ADAMTS3: variants seen among roughly 807,000 people sequenced by gnomAD.
The protein encoded by ADAMTS3 is A disintegrin and metalloproteinase with thrombospondin motifs 3.
A neutral mutation model predicts 129.0 loss-of-function variants in ADAMTS3; 73 were observed. That is an observed-to-expected ratio of 0.57 (90% CI 0.47 to 0.69). ADAMTS3 has a LOEUF of 0.69. ADAMTS3 is among the 30% of genes least tolerant of loss of function. ADAMTS3 has a pLI of 0.00. For synonymous variants in ADAMTS3, 477 were observed against 510.8 expected (o/e 0.93, Z 0.89); for missense variants, 1,457 against 1,514.5 (o/e 0.96, Z 0.63).
Position 72,308,416 on chromosome 4 carries a change from T to C in ADAMTS3, c.2179+981A>G, listed in dbSNP as rs1251767503. On this transcript the variant is annotated intron_variant, in intron 15 of 21. Transcript: ENST00000286657. ...TTATTTCATTTGGATGAAGACTAACTTTTTTATAAAAGGAAAAGTTACCCC... is the reference window on the plus strand; with the variant it reads ...TTATTTCATTTGGATGAAGACTAACCTTTTTATAAAAGGAAAAGTTACCCC... Among the ~76,000 whole-genome samples the C allele has an allele frequency of 3.9e-5, 6 of 151,946 alleles. No homozygotes were observed. The East Asian group carries it at 1.2e-3, about 29-fold the overall frequency.
intron 3 of ADAMTS3, among the ~76,000 whole-genome samples, chr4:72,426,574 AAAC>A (rs1399159750): frequency 6.6e-6 from 1 of 152,180 alleles, no homozygotes; most frequent in East Asian, 1.9e-4. Context: ...AAAGCAAATC[AAAC>A]AACAATATAA....
chr4:72,529,100 A>G (rs1296156434), intron 3 of ADAMTS3, among the ~76,000 whole-genome samples: 1 of 152,142 alleles, frequency 6.6e-6, no homozygotes, highest in East Asian at 1.9e-4. Context: ...ATGAACCCCT[A>G]TTTATTATAA....
chr4:72,526,371 G>A (rs1274174208), intron 3 of ADAMTS3, among the ~76,000 whole-genome samples: 2 of 152,042 alleles, frequency 1.3e-5, no homozygotes, highest in Non-Finnish European at 2.9e-5. Context: ...ACCCAAATTT[G>A]ATAGAAAACA....
chr4:72,401,321 CT>C (rs1018106227), intron 4 of ADAMTS3, among the ~76,000 whole-genome samples: 18 of 151,732 alleles, frequency 1.2e-4, no homozygotes, highest in African/African-American at 4.1e-4. Context: ...AATCCCAGCA[CT>C]TTGGGAGGCT....
chr4:72,323,145 T>C, intron 5 of ADAMTS3, 48 bp from the exon 6 acceptor site: 2 of 1,424,018 alleles, frequency 1.4e-6, no homozygotes, highest in Non-Finnish European at 2.0e-6. Flanking sequence ...ACACCGAGGA[T>C]TTCATGAGAT....
intron 4 of ADAMTS3, among the ~76,000 whole-genome samples, chr4:72,400,867 T>C (rs894706930): frequency 5.3e-5 from 8 of 151,004 alleles, no homozygotes; most frequent in Admixed American, 5.3e-4. Flanking sequence ...GTATTGGACA[T>C]ATGTATGTAT....
At chr4:72,288,928 A>ACG in intron 20 of ADAMTS3, 60 bp from the exon 21 acceptor site, 1 of 400,872 alleles carries the variant, frequency 2.5e-6, no homozygotes, top group Non-Finnish European at 4.4e-6. Context: ...GCACATACAC[A>ACG]CACACACACA....
intron 18 of ADAMTS3, among the ~76,000 whole-genome samples, chr4:72,297,914 T>C (rs1461663180): frequency 1.3e-5 from 2 of 152,070 alleles, no homozygotes; most frequent in African/African-American, 2.4e-5. Context: ...CTGGTAGAAA[T>C]GCAGAGAGAT....
chr4:72,331,637 C>T (rs1237826409), intron 5 of ADAMTS3, among the ~76,000 whole-genome samples: 1 of 152,136 alleles, frequency 6.6e-6, no homozygotes, highest in Non-Finnish European at 1.5e-5. Context: ...AAATACCTTT[C>T]AATTTTACCA....
chr4:72,558,142 T>C (rs1367689296), intron 2 of ADAMTS3, among the ~76,000 whole-genome samples: 1 of 151,900 alleles, frequency 6.6e-6, no homozygotes, highest in Non-Finnish European at 1.5e-5. Context: ...ACAGCACTGT[T>C]AAAGGTTTTC....
chr4:72,346,114 C>T (rs1720277561), intron 4 of ADAMTS3, among the ~76,000 whole-genome samples: 1 of 152,070 alleles, frequency 6.6e-6, no homozygotes, highest in African/African-American at 2.4e-5. Context: ...TTGATTATTT[C>T]AAAATGGTTA....
At chr4:72,310,407 C>T (rs574914996) in intron 14 of ADAMTS3, among the ~76,000 whole-genome samples, 50 of 152,058 alleles carry the variant, frequency 3.3e-4, no homozygotes, top group African/African-American at 1.2e-3. Context: ...AATGTAAGCT[C>T]AATTACTTTA....
chr4:72,415,867 A>G (rs1722291608), intron 3 of ADAMTS3, among the ~76,000 whole-genome samples: 2 of 152,032 alleles, frequency 1.3e-5, no homozygotes, highest in South Asian at 4.1e-4. Flanking sequence ...CAATAATACG[A>G]AATATTAATT....
chr4:72,530,790 T>C (rs1275471229), intron 3 of ADAMTS3, among the ~76,000 whole-genome samples: 1 of 91,636 alleles, frequency 1.1e-5, no homozygotes, highest in Non-Finnish European at 2.0e-5. Context: ...TATTATACAT[T>C]ATATATTATA....
chr4:72,320,781 G>A lies in ADAMTS3; in HGVS notation c.1035C>T (p.Asn345=). 1 of 1,613,986 alleles carries A rather than the reference G, an allele frequency of 6.2e-7. No homozygotes were observed. The highest frequency in any genetic ancestry group is 8.5e-7 in the Non-Finnish European group (1 of 1,179,914). The change falls in exon 7 of 22, where the codon AAC becomes AAT. Residue 345 remains asparagine (N), a synonymous_variant. Transcript: ENST00000286657. The part of the protein sequence containing the change: ...WASQQQRSDL[N]HSEHHDHAIF... ...TTGCATGGTCATGGTGTTCAGAGTG[G>A]TTGAGATCAGATCTTTGCTGTTGGG... is the stretch of plus-strand genomic sequence containing the variant.
At chr4:72,480,970 T>A (rs138421088) in intron 3 of ADAMTS3, among the ~76,000 whole-genome samples, 5 of 152,032 alleles carry the variant, frequency 3.3e-5, no homozygotes, top group Admixed American at 2.0e-4. Flanking sequence ...CATGAAAACA[T>A]ACTTAAATAT....
At chr4:72,361,725 C>T (rs1267044464) in intron 4 of ADAMTS3, among the ~76,000 whole-genome samples, 2 of 152,064 alleles carry the variant, frequency 1.3e-5, no homozygotes, top group Non-Finnish European at 2.9e-5. Flanking sequence ...ATGCCCTTTC[C>T]TTCTGTATTT....
At chr4:72,417,080 TTTC>T (rs1722324795) in intron 3 of ADAMTS3, among the ~76,000 whole-genome samples, 1 of 152,210 alleles carries the variant, frequency 6.6e-6, no homozygotes, top group Non-Finnish European at 1.5e-5. Context: ...ATTACAGTCT[TTTC>T]TTTGCCCCAA....
chr4:72,334,055 G>A (rs1371463187), intron 5 of ADAMTS3, among the ~76,000 whole-genome samples: 4 of 151,582 alleles, frequency 2.6e-5, no homozygotes, highest in East Asian at 1.9e-4. Flanking sequence ...GGGTTTCACC[G>A]TGTTAGCCAG....
Sources: allele counts gnomAD v4.1 joint callset (sites outside exome capture counted in the v4.1 genomes callset), GRCh38; gene constraint gnomAD v4.1.1; transcripts MANE v1.5; gene names NCBI Gene and HGNC (gene_info 2026-07-23, HGNC 2026-07-21).